Variants in DMD observed in about 807,000 individuals in gnomAD.
DMD encodes dystrophin, also known as mutant dystrophin.
Under a neutral mutation model 330.1 loss-of-function variants are expected in DMD, and 63 were observed. The ratio of observed to expected loss-of-function variants is 0.19; its 90% CI spans 0.16 to 0.24. The LOEUF (loss-of-function observed/expected upper bound fraction) is 0.24, where lower values mean the gene tolerates loss of function less well. DMD is among the 10% of genes least tolerant of loss of function. The probability of loss-of-function intolerance (pLI) is 1.00; values close to 1 mark genes in which losing one functional copy is unlikely to be tolerated. For missense variants in DMD, 3,344 were observed against 2,684.1 expected, an observed-to-expected ratio of 1.25 and a Z score of -5.43; for synonymous variants, 1,223 against 959.8, an observed-to-expected ratio of 1.27 and a Z score of -5.07.
At chrX:32,851,565 C>T (rs1329833697) in intron 2 of DMD, among the ~76,000 whole-genome samples, 1 of 112,411 alleles carries the variant, frequency 8.9e-6, no homozygotes, top group Non-Finnish European at 1.9e-5. Context: ...GATAGCCACA[C>T]AAGCAAGCAC....
chrX:32,938,697 T>C (rs1365029877), intron 2 of DMD, among the ~76,000 whole-genome samples: 1 of 111,643 alleles, frequency 9.0e-6, no homozygotes, highest in African/African-American at 3.3e-5. Context: ...ACAACATTTA[T>C]TTTTTGTCTT....
chrX:31,503,492 A>G (rs2070630563), intron 56 of DMD, among the ~76,000 whole-genome samples: 1 of 112,123 alleles, frequency 8.9e-6, no homozygotes, highest in Admixed American at 9.5e-5. Flanking sequence ...CCATACTCAC[A>G]TATTTCGAGT....
At chrX:31,273,455 C>T (rs2051824122) in intron 62 of DMD, among the ~76,000 whole-genome samples, 2 of 111,470 alleles carry the variant, frequency 1.8e-5, no homozygotes, top group South Asian at 7.5e-4. Flanking sequence ...ACATACATGC[C>T]TGCCTAAATT....
chrX:31,852,953 G>C (rs1016772150), intron 48 of DMD, among the ~76,000 whole-genome samples: 2 of 112,144 alleles, frequency 1.8e-5, no homozygotes, highest in Non-Finnish European at 3.8e-5. Flanking sequence ...GCATGATCTC[G>C]GCTCACTGCA....
intron 55 of DMD, among the ~76,000 whole-genome samples, chrX:31,512,279 T>TA (rs2071696686): frequency 9.2e-6 from 1 of 108,203 alleles, no homozygotes; most frequent in Non-Finnish European, 1.9e-5. Context: ...TCCCATGTTG[T>TA]AGGTTGCCTG....
intron 25 of DMD, among the ~76,000 whole-genome samples, chrX:32,456,072 ACATTTT>A (rs1393789745): frequency 1.1e-5 from 1 of 94,408 alleles, no homozygotes; most frequent in Admixed American, 1.3e-4. Flanking sequence ...ACAACATTAT[ACATTTT>A]AAGTAACAGA....
At chrX:33,060,336 T>A (rs1255410367) in intron 1 of DMD, among the ~76,000 whole-genome samples, 2 of 111,137 alleles carry the variant, frequency 1.8e-5, no homozygotes, top group African/African-American at 6.5e-5. Context: ...TCCAGGATAA[T>A]CAAATACCAA....
At chrX:32,170,845 C>T (rs973672850) in intron 44 of DMD, among the ~76,000 whole-genome samples, 1 of 111,270 alleles carries the variant, frequency 9.0e-6, no homozygotes, top group African/African-American at 3.3e-5. Context: ...TATCCCTCAG[C>T]GTGCAGCAGA....
intron 17 of DMD, among the ~76,000 whole-genome samples, chrX:32,541,490 A>G (rs191516106): frequency 8.9e-6 from 1 of 112,560 alleles, no homozygotes; most frequent in East Asian, 2.8e-4. Flanking sequence ...GAATACTGGA[A>G]TCTGAGGCAC....
chrX:32,237,139 A>G (rs965890829), intron 43 of DMD, among the ~76,000 whole-genome samples: 1 of 111,146 alleles, frequency 9.0e-6, no homozygotes, highest in Non-Finnish European at 1.9e-5. Flanking sequence ...CTTTTGCCCT[A>G]CATGCCCCAA....
chrX:32,647,756 C>T (rs5971650), intron 9 of DMD, among the ~76,000 whole-genome samples: 7,659 of 111,524 alleles, frequency 0.069, 629 homozygotes, highest in African/African-American at 0.24. Flanking sequence ...AAGTATGTTA[C>T]GGCTGTAATT....
intron 17 of DMD, among the ~76,000 whole-genome samples, chrX:32,523,112 T>A (rs1225538154): frequency 8.9e-6 from 1 of 111,803 alleles, no homozygotes; most frequent in African/African-American, 3.3e-5. Context: ...AGATTTCTAC[T>A]AGGCGTTGAA....
intron 43 of DMD, among the ~76,000 whole-genome samples, chrX:32,281,685 C>T (rs2097421254): frequency 8.9e-6 from 1 of 111,947 alleles, no homozygotes; most frequent in Admixed American, 9.5e-5. Flanking sequence ...TAAGTGTTCT[C>T]TTATTTCTGA....
chrX:33,143,681 C>G (rs2047900947), intron 1 of DMD, among the ~76,000 whole-genome samples: 1 of 111,558 alleles, frequency 9.0e-6, no homozygotes, highest in African/African-American at 3.3e-5. Flanking sequence ...TGAGGTTTTC[C>G]TTTTATGTGG....
intron 1 of DMD, among the ~76,000 whole-genome samples, chrX:33,278,004 C>A (rs183450411): frequency 5.8e-4 from 64 of 110,566 alleles, no homozygotes; most frequent in African/African-American, 2.0e-3. Flanking sequence ...ATTCAGAAAG[C>A]TGAGGCAGGA....
chrX:32,345,089 T>C (rs1412147657), intron 39 of DMD, among the ~76,000 whole-genome samples: 1 of 111,185 alleles, frequency 9.0e-6, no homozygotes, highest in Non-Finnish European at 1.9e-5. Flanking sequence ...GCAGACTCCA[T>C]CTACCTGCTA....
chrX:31,336,383 C>A lies in DMD; in HGVS notation c.9163+12173G>T, dbSNP rs996283578. Among the ~76,000 whole-genome samples the A allele has an allele frequency of 9.8e-5, 11 of 112,036 alleles. 1 individual carries two copies. On this transcript the variant is annotated intron_variant, in intron 61 of 78. Coordinates refer to ENST00000357033, the MANE Select transcript of DMD (RefSeq NM_004006.3). ...CCAGAGATAATGCACAGGACAGCCC[C>A]CAATAATTTTTGCCCACAGAGGTGT...
At chrX:32,294,871 T>G (rs750702395) in intron 42 of DMD, among the ~76,000 whole-genome samples, 1 of 111,771 alleles carries the variant, frequency 8.9e-6, no homozygotes, top group African/African-American at 3.2e-5. Flanking sequence ...TATTTTACTA[T>G]TTTAGTTTGT....
chrX:32,373,458 C>T (rs1392879221), intron 34 of DMD, among the ~76,000 whole-genome samples: 2 of 111,083 alleles, frequency 1.8e-5, no homozygotes, highest in Non-Finnish European at 3.8e-5. Flanking sequence ...CAGTCTCTGT[C>T]ACAATTACTC....
Sources: gnomAD v4.1 joint callset for allele counts (sites outside exome capture counted in the v4.1 genomes callset) on GRCh38, gnomAD v4.1.1 for gene constraint, MANE v1.5 for transcripts, NCBI Gene and HGNC (gene_info 2026-07-23, HGNC 2026-07-21) for gene names.